The following TMC1 variants were observed in gnomAD, a reference collection of about 807,000 sequenced individuals.
TMC1 encodes the protein transmembrane channel like 1.
In TMC1, 84 loss-of-function variants were observed where a neutral mutation model predicts 105.8. The observed-to-expected ratio is 0.79, with a 90% CI of 0.67 to 0.95. The LOEUF (loss-of-function observed/expected upper bound fraction) is 0.95, where lower values mean the gene tolerates loss of function less well. TMC1 is among the 40% of genes least tolerant of loss of function. The probability of loss-of-function intolerance (pLI) is 0.00; values close to 1 mark genes in which losing one functional copy is unlikely to be tolerated. For missense variants in TMC1, 817 were observed against 914.1 expected (o/e 0.89, Z 1.37); for synonymous variants, 315 against 311.5 (o/e 1.01, Z -0.12).
At chr9:72,555,574 A>G (rs911763322) in intron 1 of TMC1, among the ~76,000 whole-genome samples, 2 of 152,072 alleles carry the variant, frequency 1.3e-5, no homozygotes, top group African/African-American at 2.4e-5. Flanking sequence ...CCATGCGAAT[A>G]AGTGGAATAT....
In TMC1 at chr9:72,554,311, G is replaced by GC. The variant is rs572402754; in HGVS notation, c.-427-23590dup. On this transcript the variant is annotated intron_variant, in intron 1 of 23. Transcript: ENST00000297784. ...TTGCCCCAGGCTACTTCTAGATCCA[G>GC]CGTTGTTCCAGCTTACTGAGCATTC... Among the ~76,000 whole-genome samples, 544 of 152,230 alleles carry GC rather than the reference G, an allele frequency of 3.6e-3. 5 individuals carry two copies. Among genetic ancestry groups the GC allele is most frequent in the African/African-American group, 0.013 (526 of 41,562 alleles).
At chr9:72,775,781 A>G (rs1019049350) in intron 13 of TMC1, among the ~76,000 whole-genome samples, 3 of 152,138 alleles carry the variant, frequency 2.0e-5, no homozygotes, top group Admixed American at 6.5e-5. Flanking sequence ...GCATCAAGTG[A>G]GTGATTCAGC....
intron 12 of TMC1, among the ~76,000 whole-genome samples, chr9:72,767,209 C>T (rs568513284): frequency 5.3e-4 from 80 of 152,322 alleles, no homozygotes; most frequent in African/African-American, 1.9e-3. Flanking sequence ...CACATACCCT[C>T]AGCAGATATG....
chr9:72,685,486 C>T (rs188154834), intron 5 of TMC1, among the ~76,000 whole-genome samples: 2 of 151,762 alleles, frequency 1.3e-5, no homozygotes, highest in African/African-American at 4.8e-5. Flanking sequence ...GACTCAGCCT[C>T]CTGAGTAGCT....
chr9:72,793,464 G>A (rs1270893195), intron 17 of TMC1, among the ~76,000 whole-genome samples: 5 of 152,186 alleles, frequency 3.3e-5, no homozygotes, highest in African/African-American at 1.2e-4. Context: ...CCAACCAGCG[G>A]CTGAAGCAGA....
rs570798598 is a variant in TMC1, at chr9:72,564,880, G to A, written c.-427-13022G>A. ...ATTCTGTGCTTTAGCAGCTTCATTT[G>A]CAAAAATTAATGATTACCTCAAATG... On this transcript the variant is annotated intron_variant, in intron 1 of 23. Transcript: ENST00000297784. Among the ~76,000 whole-genome samples the A allele has an allele frequency of 3.3e-5, 5 of 152,234 alleles. No homozygotes were observed. In the East Asian group the frequency reaches 7.7e-4, roughly 23 times the overall value.
At chr9:72,694,439 G>A in intron 6 of TMC1, 104 bp from the exon 7 acceptor site, 4 of 966,396 alleles carry the variant, frequency 4.1e-6, no homozygotes. Flanking sequence ...TTGCTAGACT[G>A]TGCTGTCAGA....
chr9:72,588,649 A>G (rs1409230290), intron 2 of TMC1, among the ~76,000 whole-genome samples: 1 of 152,156 alleles, frequency 6.6e-6, no homozygotes, highest in East Asian at 1.9e-4. Flanking sequence ...CTATTCATCA[A>G]GGAGTTGTAG....
intron 8 of TMC1, among the ~76,000 whole-genome samples, chr9:72,729,433 TAGTC>T (rs1425454394): frequency 8.5e-5 from 13 of 152,298 alleles, no homozygotes; most frequent in Middle Eastern, 6.8e-3. Flanking sequence ...TGTTTTCAGA[TAGTC>T]AGGTAGTTAC....
chr9:72,691,859 G>A (rs536225340), intron 6 of TMC1, among the ~76,000 whole-genome samples: 2 of 152,250 alleles, frequency 1.3e-5, no homozygotes, highest in African/African-American at 4.8e-5. Flanking sequence ...ACTGTGTCAT[G>A]CTGAACTGGG....
Position 72,788,490 on chromosome 9 carries a change from G to T in TMC1, c.1029+7G>T. The T allele has an allele frequency of 6.2e-7, 1 of 1,613,904 alleles. No individual in the cohort carries two copies. Among genetic ancestry groups the T allele is most frequent in the Non-Finnish European group, 8.5e-7 (1 of 1,179,818 alleles). ...TATCACAATGAACTTTAAGGTAGAGGCACCAACTTCAAAAACCTGCTGTTT... is the reference window on the plus strand; with the variant it reads ...TATCACAATGAACTTTAAGGTAGAGTCACCAACTTCAAAAACCTGCTGTTT... On this transcript the variant is annotated splice_region_variant and intron_variant, in intron 14 of 23. Transcript: ENST00000297784.
At chr9:72,741,860 T>C (rs1827394895) in intron 9 of TMC1, among the ~76,000 whole-genome samples, 1 of 152,218 alleles carries the variant, frequency 6.6e-6, no homozygotes, top group African/African-American at 2.4e-5. Context: ...AATGATTTTA[T>C]GACTTGTTGT....
At chr9:72,816,120 A>G (rs748152516) in intron 18 of TMC1, 23 bp from the exon 19 acceptor site, 15 of 1,610,930 alleles carry the variant, frequency 9.3e-6, no homozygotes, top group Non-Finnish European at 1.2e-5. Context: ...ACGCTAATCC[A>G]ATGAACATTG....
At position 72,644,848 on chromosome 9, in the gene TMC1, T is replaced by G. The variant is rs535851447; in HGVS notation, c.-52-3749T>G. On this transcript the variant is annotated intron_variant, in intron 4 of 23. Coordinates refer to ENST00000297784, the MANE Select transcript of TMC1 (RefSeq NM_138691.3). ...AAATGTGTACTAACTTGTTATAATA[T>G]GTGTGAACAGGAGCTAGTTTGAGGC... Among the ~76,000 whole-genome samples, 2 of 152,300 alleles carry G rather than the reference T, an allele frequency of 1.3e-5. 1 individual carries two copies. Among genetic ancestry groups the G allele is most frequent in the South Asian group, 4.1e-4 (2 of 4,824 alleles).
At chr9:72,685,439 C>T (rs1826365143) in intron 5 of TMC1, among the ~76,000 whole-genome samples, 1 of 150,750 alleles carries the variant, frequency 6.6e-6, no homozygotes, top group Non-Finnish European at 1.5e-5. Context: ...TCTCGGCTCA[C>T]TGCAACCTCT....
At chr9:72,823,843 G>T (rs903216368) in intron 20 of TMC1, among the ~76,000 whole-genome samples, 7 of 152,116 alleles carry the variant, frequency 4.6e-5, no homozygotes, top group African/African-American at 1.7e-4. Flanking sequence ...GATAATATGT[G>T]TTTATGCTAG....
chr9:72,597,969 A>G (rs902230994), intron 2 of TMC1, among the ~76,000 whole-genome samples: 2 of 152,162 alleles, frequency 1.3e-5, no homozygotes, highest in African/African-American at 4.8e-5. Flanking sequence ...GCTTTGAATT[A>G]TATGAAAAAA....
At chr9:72,746,655 G>A (rs745686087) in intron 10 of TMC1, among the ~76,000 whole-genome samples, 17 of 152,164 alleles carry the variant, frequency 1.1e-4, no homozygotes, top group Middle Eastern at 3.2e-3. Context: ...AATCAAGAGC[G>A]GGACCCAAAT....
intron 1 of TMC1, among the ~76,000 whole-genome samples, chr9:72,565,408 T>C (rs1321271656): frequency 6.6e-6 from 1 of 152,140 alleles, no homozygotes; most frequent in African/African-American, 2.4e-5. Context: ...CTGCTAGGAA[T>C]GAAGAAGCAC....
Sources: allele counts gnomAD v4.1 joint callset (sites outside exome capture counted in the v4.1 genomes callset), GRCh38; gene constraint gnomAD v4.1.1; transcripts MANE v1.5; gene names NCBI Gene and HGNC (gene_info 2026-07-23, HGNC 2026-07-21).